BTG4: variants seen among roughly 807,000 people sequenced by gnomAD.
BTG4 encodes BTG anti-proliferation factor 4, also known as protein BTG4.
A neutral mutation model predicts 19.3 loss-of-function variants in BTG4; 10 were observed. The observed-to-expected ratio is 0.52, with a 90% CI of 0.32 to 0.88. The LOEUF is 0.88. BTG4 is among the 40% of genes least tolerant of loss of function. BTG4 has a pLI of 0.04. For missense variants in BTG4, 238 were observed against 281.9 expected, an observed-to-expected ratio of 0.84 and a Z score of 1.11; for synonymous variants, 91 against 95.7, an observed-to-expected ratio of 0.95 and a Z score of 0.29.
At chr11:111,404,873 C>T in the BTG4 span, among the ~76,000 whole-genome samples, 1 of 152,220 alleles carries the variant, frequency 6.6e-6, no homozygotes, top group South Asian at 2.1e-4. Flanking sequence ...TCAAGCATCA[C>T]ATTTTCACTT....
chr11:111,507,080 A>G (rs1400533454), intron 1 of BTG4, among the ~76,000 whole-genome samples: 2 of 152,124 alleles, frequency 1.3e-5, no homozygotes, highest in Non-Finnish European at 2.9e-5. Context: ...CTTTAAAAAA[A>G]AAAAGCTTAA....
the BTG4 span, among the ~76,000 whole-genome samples, chr11:111,391,936 G>A: frequency 8.5e-5 from 13 of 152,188 alleles, no homozygotes; most frequent in East Asian, 3.9e-4. Context: ...CTCTCATTGC[G>A]TTCCATTCTG....
chr11:111,422,346 TG>T, the BTG4 span, among the ~76,000 whole-genome samples: 1 of 152,200 alleles, frequency 6.6e-6, no homozygotes. Flanking sequence ...ACACTTCTGC[TG>T]GACTTCCTCT....
At chr11:111,418,826 G>A in the BTG4 span, among the ~76,000 whole-genome samples, 8 of 152,184 alleles carry the variant, frequency 5.3e-5, no homozygotes, top group East Asian at 3.8e-4. Flanking sequence ...TCTCTGCCAC[G>A]TCTGCAGGAG....
the BTG4 span, among the ~76,000 whole-genome samples, chr11:111,436,375 C>T: frequency 0.079 from 11,968 of 152,220 alleles, 565 homozygotes; most frequent in Admixed American, 0.13. Flanking sequence ...CCAGCACTCC[C>T]AGCACTTTGG....
the BTG4 span, chr11:111,454,288 G>A: frequency 2.2e-6 from 1 of 456,446 alleles, no homozygotes; most frequent in Middle Eastern, 3.3e-4. Flanking sequence ...TTGACACAGA[G>A]GCCTTCTTTG....
the BTG4 span, chr11:111,462,413 A>C: frequency 6.6e-6 from 1 of 152,328 alleles, no homozygotes; most frequent in African/African-American, 2.4e-5. Context: ...AGCAGCCCAG[A>C]GCGGGGCCTG....
chr11:111,396,073 G>A, the BTG4 span, among the ~76,000 whole-genome samples: 1 of 152,340 alleles, frequency 6.6e-6, no homozygotes, highest in East Asian at 1.9e-4. Context: ...GCCCAGGATG[G>A]TGGCAGGTGG....
At chr11:111,390,809 T>A in the BTG4 span, among the ~76,000 whole-genome samples, 10 of 152,186 alleles carry the variant, frequency 6.6e-5, no homozygotes, top group Non-Finnish European at 1.3e-4. Flanking sequence ...ACTCAGACCA[T>A]TTATCTTCCC....
intron 1 of BTG4, among the ~76,000 whole-genome samples, chr11:111,508,942 A>C (rs558380942): frequency 4.8e-4 from 73 of 152,172 alleles, no homozygotes; most frequent in African/African-American, 1.7e-3. Flanking sequence ...GATGGAAAAT[A>C]TGCAACCTGT....
chr11:111,489,277 T>A (rs1378177604), intron 5 of BTG4, among the ~76,000 whole-genome samples: 1 of 152,084 alleles, frequency 6.6e-6, no homozygotes, highest in African/African-American at 2.4e-5. Flanking sequence ...AAAAGACAAG[T>A]AATAACTGTT....
intron 5 of BTG4, among the ~76,000 whole-genome samples, chr11:111,472,118 A>T (rs1864105031): frequency 1.3e-5 from 2 of 152,342 alleles, no homozygotes; most frequent in South Asian, 2.1e-4. Flanking sequence ...CAACACAGCA[A>T]AGTGATCCTT....
chr11:111,419,767 G>A, the BTG4 span, among the ~76,000 whole-genome samples: 2 of 152,250 alleles, frequency 1.3e-5, no homozygotes, highest in Admixed American at 6.5e-5. Flanking sequence ...GCCTGGCAGC[G>A]GGATGGCTTC....
the BTG4 span, among the ~76,000 whole-genome samples, chr11:111,408,002 C>T: frequency 1.3e-5 from 2 of 152,182 alleles, no homozygotes; most frequent in Non-Finnish European, 2.9e-5. Context: ...TGGCCACAGC[C>T]CAGTGCCAGG....
At chr11:111,416,171 G>C in the BTG4 span, 1 of 152,256 alleles carries the variant, frequency 6.6e-6, no homozygotes, top group East Asian at 1.9e-4. Flanking sequence ...GGAGGATGTG[G>C]GGAAGGGAAA....
chr11:111,458,496 G>A, the BTG4 span, among the ~76,000 whole-genome samples: 2 of 152,146 alleles, frequency 1.3e-5, no homozygotes, highest in South Asian at 4.2e-4. Flanking sequence ...CATGGCTCAT[G>A]AAACACCACC....
chr11:111,425,059 A>G, the BTG4 span, among the ~76,000 whole-genome samples: 8 of 152,340 alleles, frequency 5.3e-5, no homozygotes, highest in African/African-American at 9.6e-5. Flanking sequence ...GTCCTTCTGT[A>G]CAATCATAGA....
At chr11:111,480,569 C>T (rs1864679047) in intron 5 of BTG4, among the ~76,000 whole-genome samples, 1 of 151,860 alleles carries the variant, frequency 6.6e-6, no homozygotes, top group African/African-American at 2.4e-5. Flanking sequence ...ATAAACAAAC[C>T]TCAACAAATT....
chr11:111,386,629 T>C, the BTG4 span, among the ~76,000 whole-genome samples: 1 of 152,206 alleles, frequency 6.6e-6, no homozygotes, highest in East Asian at 1.9e-4. Context: ...GTTCATAGCG[T>C]TCATGAGAGT....
Sources: allele counts gnomAD v4.1 joint callset (sites outside exome capture counted in the v4.1 genomes callset), GRCh38; gene constraint gnomAD v4.1.1; transcripts MANE v1.5; gene names NCBI Gene and HGNC (gene_info 2026-07-23, HGNC 2026-07-21).